The following KAZN variants were observed in gnomAD, a reference collection of about 807,000 sequenced individuals.
The protein encoded by KAZN is kazrin.
Under a neutral mutation model 87.4 loss-of-function variants are expected in KAZN, and 40 were observed. The observed-to-expected ratio is 0.46, with a 90% CI of 0.36 to 0.60. The LOEUF is 0.60. KAZN is among the 20% of genes least tolerant of loss of function. The pLI is 0.00. For missense variants in KAZN, 898 were observed against 1,073.9 expected, an observed-to-expected ratio of 0.84 and a Z score of 2.29; for synonymous variants, 466 against 458.3, an observed-to-expected ratio of 1.02 and a Z score of -0.22.
At position 14,529,450 on chromosome 1, in the gene KAZN, C is replaced by T. The variant is rs143276330; in HGVS notation, c.250-69533C>T. 4.7e-3 allele frequency among the ~76,000 whole-genome samples: 715 copies of T among 152,286 alleles called. 3 individuals are homozygous for T. The highest frequency in any genetic ancestry group is 0.014 in the Middle Eastern group (4 of 294). On this transcript the variant is annotated intron_variant, in intron 2 of 16. Transcript: ENST00000636203. ...GAAAGAGTCACTGTGCAACTTCTGA[C>T]GTCCAGTTTCAGATGTTTTAGCCCA...
chr1:14,684,221 G>T (rs1027402917), intron 1 of KAZN, among the ~76,000 whole-genome samples: 29 of 152,242 alleles, frequency 1.9e-4, no homozygotes, highest in African/African-American at 6.5e-4. Context: ...CCAATCTCAG[G>T]GCAGTGGCTT....
intron 1 of KAZN, among the ~76,000 whole-genome samples, chr1:14,647,044 G>A (rs1057347119): frequency 2.6e-5 from 4 of 152,112 alleles, no homozygotes; most frequent in Admixed American, 6.5e-5. Flanking sequence ...GAGGAAGACC[G>A]AGTCCAGGCA....
intron 1 of KAZN, among the ~76,000 whole-genome samples, chr1:13,928,621 A>C (rs1173439761): frequency 6.6e-6 from 1 of 152,200 alleles, no homozygotes; most frequent in Non-Finnish European, 1.5e-5. Context: ...TAACATAATA[A>C]AAAATTCAGG....
chr1:14,427,286 T>G (rs1019266819), intron 2 of KAZN, among the ~76,000 whole-genome samples: 1 of 152,204 alleles, frequency 6.6e-6, no homozygotes, highest in African/African-American at 2.4e-5. Context: ...GCAAGTGACT[T>G]AAGCTCTCTT....
intron 2 of KAZN, among the ~76,000 whole-genome samples, chr1:14,480,088 T>C (rs756125118): frequency 6.6e-6 from 1 of 152,178 alleles, no homozygotes; most frequent in Non-Finnish European, 1.5e-5. Flanking sequence ...TGCTGGGGAA[T>C]CCCACAAGGA....
At chr1:14,789,661 C>G (rs1396701897) in intron 1 of KAZN, among the ~76,000 whole-genome samples, 1 of 151,266 alleles carries the variant, frequency 6.6e-6, no homozygotes, top group Admixed American at 6.6e-5. Flanking sequence ...GCACCTCCCT[C>G]CTGCCTATGG....
chr1:14,251,695 G>A (rs912509589), intron 2 of KAZN, among the ~76,000 whole-genome samples: 1 of 134,590 alleles, frequency 7.4e-6, no homozygotes, highest in African/African-American at 3.1e-5. Context: ...CTGTCACCAG[G>A]CTAAGTGCAG....
At position 14,738,453 on chromosome 1, in the gene KAZN, G is replaced by A. The variant is rs145683696; in HGVS notation, c.226+139230G>A. Among the ~76,000 whole-genome samples the A allele has an allele frequency of 1.2e-4, 18 of 152,112 alleles. No homozygotes were observed. The East Asian group carries it at 2.1e-3, about 18-fold the overall frequency. On this transcript the variant is annotated intron_variant, in intron 1 of 14. Transcript: ENST00000376030. ...GACATTGGCAGCCCTTGTATATCTC[G>A]TCATGCCAATAAGGTAATTGAAATG...
intron 4 of KAZN, among the ~76,000 whole-genome samples, chr1:15,051,342 G>A (rs1434545650): frequency 6.6e-6 from 1 of 152,226 alleles, no homozygotes; most frequent in Admixed American, 6.5e-5. Flanking sequence ...CCAGCCAAAA[G>A]GCAGGTGAGG....
At chr1:14,670,084 C>T (rs545599114) in intron 1 of KAZN, among the ~76,000 whole-genome samples, 1 of 152,246 alleles carries the variant, frequency 6.6e-6, no homozygotes, top group South Asian at 2.1e-4. Context: ...GCCCGAGAGT[C>T]TTCTCCCTTC....
In KAZN at chr1:14,377,311, G is replaced by A. The variant is rs145143206; in HGVS notation, c.249+196719G>A. 3.5e-3 allele frequency among the ~76,000 whole-genome samples: 538 copies of A among 152,274 alleles called. 7 individuals are homozygous for A. The highest frequency in any genetic ancestry group is 0.012 in the African/African-American group (507 of 41,566). ...TCTGTCTGTTCCAGAGATGACAAAT[G>A]TGAAGGTGCCTTGTAGAAATTGGAG... On this transcript the variant is annotated intron_variant, in intron 2 of 16. Transcript: ENST00000636203.
intron 1 of KAZN, among the ~76,000 whole-genome samples, chr1:14,104,122 T>C (rs2101652525): frequency 6.6e-6 from 1 of 152,196 alleles, no homozygotes; most frequent in Middle Eastern, 3.4e-3. Flanking sequence ...CCAGACAGGG[T>C]ATAACCTACC....
intron 2 of KAZN, among the ~76,000 whole-genome samples, chr1:14,966,180 G>C (rs1310731696): frequency 6.6e-6 from 1 of 151,786 alleles, no homozygotes; most frequent in Non-Finnish European, 1.5e-5. Flanking sequence ...GGATTTCACC[G>C]TGTTGCCCAG....
intron 1 of KAZN, among the ~76,000 whole-genome samples, chr1:13,899,988 A>C (rs907845581): frequency 2.0e-5 from 3 of 152,054 alleles, no homozygotes; most frequent in Non-Finnish European, 4.4e-5. Flanking sequence ...CATCAGTAAG[A>C]TATTGACGCA....
At chr1:14,414,860 A>ATTT (rs1664619335) in intron 2 of KAZN, among the ~76,000 whole-genome samples, 3 of 152,118 alleles carry the variant, frequency 2.0e-5, no homozygotes, top group African/African-American at 7.2e-5. Context: ...CCCCGTCTCT[A>ATTT]CTAAAAAATA....
chr1:14,930,249 A>G (rs1659657667), intron 1 of KAZN, among the ~76,000 whole-genome samples: 1 of 152,122 alleles, frequency 6.6e-6, no homozygotes, highest in African/African-American at 2.4e-5. Context: ...TGCTTCTTGG[A>G]TTCGGAGGCT....
At chr1:14,693,402 G>A (rs537701195) in intron 1 of KAZN, among the ~76,000 whole-genome samples, 12 of 152,334 alleles carry the variant, frequency 7.9e-5, no homozygotes, top group Non-Finnish European at 1.3e-4. Context: ...TCTAGCCTGC[G>A]TGTTGAGAGC....
chr1:14,550,024 C>T (rs893085466), intron 2 of KAZN, among the ~76,000 whole-genome samples: 1 of 152,142 alleles, frequency 6.6e-6, no homozygotes, highest in Middle Eastern at 3.2e-3. Flanking sequence ...AATGAGGGTC[C>T]CTTCTGCAAT....
intron 1 of KAZN, among the ~76,000 whole-genome samples, chr1:14,950,949 G>A (rs1376934422): frequency 1.3e-5 from 2 of 152,148 alleles, no homozygotes; most frequent in East Asian, 1.9e-4. Flanking sequence ...GAATAACTCA[G>A]TGGTTACAAG....
Sources: allele counts gnomAD v4.1 joint callset (sites outside exome capture counted in the v4.1 genomes callset), GRCh38; gene constraint gnomAD v4.1.1; transcripts MANE v1.5; gene names NCBI Gene and HGNC (gene_info 2026-07-23, HGNC 2026-07-21).